The following ADAM10 variants were observed in gnomAD, a reference collection of about 807,000 sequenced individuals.
ADAM10 encodes disintegrin and metalloproteinase domain-containing protein 10.
A neutral mutation model predicts 90.1 loss-of-function variants in ADAM10; 17 were observed. That is an observed-to-expected ratio of 0.19 (90% confidence interval 0.13 to 0.28). ADAM10 has a LOEUF of 0.28. Ranked by LOEUF, ADAM10 falls within the 10% of genes least tolerant of loss-of-function variation. The probability of loss-of-function intolerance (pLI) is 1.00; values close to 1 mark genes in which losing one functional copy is unlikely to be tolerated. For missense variants in ADAM10, 610 were observed against 914.3 expected, an observed-to-expected ratio of 0.67 and a Z score of 4.29; for synonymous variants, 310 against 298.6, an observed-to-expected ratio of 1.04 and a Z score of -0.40.
At position 58,698,594 on chromosome 15, in the gene ADAM10, TAGAC is replaced by T. The variant is rs555884438; in HGVS notation, c.207-16284_207-16281del. On this transcript the variant is annotated intron_variant, in intron 2 of 15. Transcript: ENST00000260408. ...TTGTCTCAAAAAAAAAAAAAAAAGA[TAGAC>T]AGATATCATAAAAAAGAACGAAATG... Among the ~76,000 whole-genome samples, 281 of 141,108 alleles carry T rather than the reference TAGAC, an allele frequency of 2.0e-3. 2 individuals carry two copies. The highest frequency in any genetic ancestry group is 7.0e-3 in the African/African-American group (268 of 38,086). 92.6% of individuals were successfully genotyped at this position (141,108 alleles called of 152,430 possible). A position where few individuals can be genotyped will look rare whatever the true frequency, so the allele number is the denominator to read the frequency against.
Position 58,722,532 on chromosome 15 carries a change from CA to C in ADAM10, c.56-4806del, listed in dbSNP as rs35957082. Among the ~76,000 whole-genome samples, 236 of 122,352 alleles carry C rather than the reference CA, an allele frequency of 1.9e-3. 1 individual carries two copies. Among genetic ancestry groups the C allele is most frequent in the Non-Finnish European group, 2.3e-3 (132 of 57,352 alleles). 80.3% of individuals were successfully genotyped at this position (122,352 alleles called of 152,430 possible). A position where few individuals can be genotyped will look rare whatever the true frequency, so the allele number is the denominator to read the frequency against. ...AGCCTAGATGACAGAGACCCTATCT[CA>C]AAAAAAAAAAAAAGAAAAGAACTGA... On this transcript the variant is annotated intron_variant, in intron 1 of 15. Coordinates refer to ENST00000260408, the MANE Select transcript of ADAM10 (RefSeq NM_001110.4).
chr15:58,724,126 G>A (rs1420746205), intron 1 of ADAM10, among the ~76,000 whole-genome samples: 11 of 150,508 alleles, frequency 7.3e-5, no homozygotes, highest in Admixed American at 5.3e-4. Context: ...ACAGTGAGCC[G>A]AAATCGTGCC....
At chr15:58,717,550 G>T in intron 2 of ADAM10, 27 bp downstream of exon 2, 3 of 1,613,404 alleles carry the variant, frequency 1.9e-6, no homozygotes, top group Non-Finnish European at 2.5e-6. Flanking sequence ...AGGAACTTCA[G>T]ACACAGTCAG....
At chr15:58,646,832 T>C (rs1349881483) in intron 5 of ADAM10, among the ~76,000 whole-genome samples, 1 of 152,222 alleles carries the variant, frequency 6.6e-6, no homozygotes, top group Non-Finnish European at 1.5e-5. Context: ...CAGCCTCTAC[T>C]TAACTATCCA....
intron 1 of ADAM10, among the ~76,000 whole-genome samples, chr15:58,719,955 C>CCCTT (rs1482177663): frequency 6.6e-6 from 1 of 152,128 alleles, no homozygotes; most frequent in East Asian, 1.9e-4. Flanking sequence ...CATCTCTTCC[C>CCCTT]CCTTCCTCCT....
rs1254897030 is a variant in ADAM10, at chr15:58,595,320, C to T, written c.*2227G>A. The T allele has an allele frequency of 6.6e-6, 1 of 152,096 alleles. No homozygotes were observed. Among genetic ancestry groups the T allele is most frequent in the South Asian group, 2.1e-4 (1 of 4,832 alleles). The allele number at this position is 152,096 out of a possible 1,614,324, so 9.4% of individuals were successfully genotyped here. A position where few individuals can be genotyped will look rare whatever the true frequency, so the allele number is the denominator to read the frequency against. On this transcript the variant is annotated 3_prime_UTR_variant, in exon 16 of 16. Coordinates refer to ENST00000260408, the MANE Select transcript of ADAM10 (RefSeq NM_001110.4). ...TCTATACTTTTGTAGGAAGAGACAACTGTAAGAAAACACTGCCTTGTGGGA... is the reference window on the plus strand; with the variant it reads ...TCTATACTTTTGTAGGAAGAGACAATTGTAAGAAAACACTGCCTTGTGGGA...
At chr15:58,743,657 T>G (rs936722529) in intron 1 of ADAM10, among the ~76,000 whole-genome samples, 1 of 149,872 alleles carries the variant, frequency 6.7e-6, no homozygotes, top group Non-Finnish European at 1.5e-5. Context: ...CAGGCTAGAG[T>G]GCAGTGGTGC....
intron 14 of ADAM10, among the ~76,000 whole-genome samples, chr15:58,606,850 G>C (rs1005026835): frequency 6.6e-6 from 1 of 152,162 alleles, no homozygotes; most frequent in African/African-American, 2.4e-5. Context: ...TCTCGATCAG[G>C]AGTTGGCAAA....
intron 1 of ADAM10, among the ~76,000 whole-genome samples, chr15:58,736,022 C>T (rs1217788811): frequency 1.3e-5 from 2 of 152,156 alleles, no homozygotes; most frequent in South Asian, 2.1e-4. Flanking sequence ...TGGAAAATGA[C>T]AGCTTCCACT....
At chr15:58,701,915 G>C (rs1287368369) in intron 2 of ADAM10, among the ~76,000 whole-genome samples, 2 of 152,034 alleles carry the variant, frequency 1.3e-5, no homozygotes, top group African/African-American at 4.8e-5. Context: ...AAACCAGCCT[G>C]GCCAACACAG....
At chr15:58,735,225 G>C (rs149554686) in intron 1 of ADAM10, among the ~76,000 whole-genome samples, 1 of 152,006 alleles carries the variant, frequency 6.6e-6, no homozygotes, top group Non-Finnish European at 1.5e-5. Context: ...CTGCCTAATC[G>C]TTTACTCCGA....
chr15:58,672,175 T>A (rs1467691636), intron 4 of ADAM10: 1 of 152,214 alleles, frequency 6.6e-6, no homozygotes, highest in African/African-American at 2.4e-5. Context: ...TTTATTTTCA[T>A]ATAATCATGT....
rs555554123 is a variant in ADAM10 at position 58,593,784 on chromosome 15, G to A, written c.*3763C>T. ...CTTTTTATAGAAGAGATGCTCTGAAGAACTTACCAATTATAAAATACATGA... is the reference window on the plus strand; with the variant it reads ...CTTTTTATAGAAGAGATGCTCTGAAAAACTTACCAATTATAAAATACATGA... On this transcript the variant is annotated 3_prime_UTR_variant, in exon 16 of 16. Coordinates refer to ENST00000260408, the MANE Select transcript of ADAM10 (RefSeq NM_001110.4). 4.6e-5 allele frequency: 7 copies of A among 152,218 alleles called. No individual in the cohort carries two copies. The highest frequency in any genetic ancestry group is 1.4e-4 in the African/African-American group (6 of 41,536). 9.4% of individuals were successfully genotyped at this position (152,218 alleles called of 1,614,324 possible). A position where few individuals can be genotyped will look rare whatever the true frequency, so the allele number is the denominator to read the frequency against.
Position 58,648,028 on chromosome 15 carries a change from T to C in ADAM10, c.586-1824A>G, listed in dbSNP as rs570567004. On this transcript the variant is annotated intron_variant, in intron 5 of 15. Transcript: ENST00000260408. ...ATTTCCTTCTCCCTTAATAATTCCA[T>C]GTGAACATACACAAAATGAAAAATT... Among the ~76,000 whole-genome samples the C allele has an allele frequency of 8.5e-5, 13 of 152,310 alleles. No homozygotes were observed. The East Asian group carries it at 2.3e-3, about 27-fold the overall frequency.
intron 4 of ADAM10, among the ~76,000 whole-genome samples, chr15:58,670,080 T>C (rs908502970): frequency 2.6e-5 from 4 of 152,056 alleles, no homozygotes; most frequent in East Asian, 1.9e-4. Flanking sequence ...TTATAAACTT[T>C]ATATATAAGC....
intron 3 of ADAM10, among the ~76,000 whole-genome samples, chr15:58,680,648 T>G (rs1300394494): frequency 4.6e-5 from 7 of 152,128 alleles, no homozygotes; most frequent in Non-Finnish European, 8.8e-5. Flanking sequence ...AGGGTGAAAG[T>G]AGAGGGAGAG....
chr15:58,641,021 T>A (rs1896404313), intron 7 of ADAM10, 61 bp from the exon 8 acceptor site: 1 of 1,454,544 alleles, frequency 6.9e-7, no homozygotes, highest in African/African-American at 1.4e-5. Context: ...AGTGTGAATG[T>A]CTGCTCACCT....
At chr15:58,704,687 T>G (rs749806196) in intron 2 of ADAM10, among the ~76,000 whole-genome samples, 17 of 152,232 alleles carry the variant, frequency 1.1e-4, no homozygotes, top group Non-Finnish European at 2.4e-4. Flanking sequence ...AAGATAATGA[T>G]GAGATTACAA....
chr15:58,647,180 C>G (rs1357866704), intron 5 of ADAM10, among the ~76,000 whole-genome samples: 1 of 147,942 alleles, frequency 6.8e-6, no homozygotes, highest in Admixed American at 6.9e-5. Flanking sequence ...AAGAAATTAT[C>G]TCTGTTTGAT....
Sources: allele counts gnomAD v4.1 joint callset (sites outside exome capture counted in the v4.1 genomes callset), GRCh38; gene constraint gnomAD v4.1.1; transcripts MANE v1.5; gene names NCBI Gene and HGNC (gene_info 2026-07-23, HGNC 2026-07-21).